Variants in KIF26B observed in about 807,000 individuals in gnomAD.
KIF26B encodes the protein kinesin-like protein KIF26B.
A neutral mutation model predicts 151.2 loss-of-function variants in KIF26B; 63 were observed. That is an observed-to-expected ratio of 0.42 (90% CI 0.34 to 0.51). The LOEUF (loss-of-function observed/expected upper bound fraction) is 0.51. KIF26B is among the 20% of genes least tolerant of loss of function. The pLI is 0.07. For synonymous variants in KIF26B, 1,357 were observed against 1,262.1 expected (o/e 1.08, Z -1.59); for missense variants, 2,813 against 2,913.6 (o/e 0.97, Z 0.79).
intron 2 of KIF26B, among the ~76,000 whole-genome samples, chr1:245,278,533 T>C (rs1365870944): frequency 6.6e-6 from 1 of 152,222 alleles, no homozygotes; most frequent in Non-Finnish European, 1.5e-5. Flanking sequence ...GAATCAGAAA[T>C]TTATTTTTCT....
At chr1:245,467,143 T>C (rs1407876022) in intron 4 of KIF26B, among the ~76,000 whole-genome samples, 1 of 152,170 alleles carries the variant, frequency 6.6e-6, no homozygotes, top group Admixed American at 6.5e-5. Flanking sequence ...ACTTTGGACA[T>C]TTGGAACTGA....
rs187704571 is a variant in KIF26B, at chr1:245,505,823, G to A, written c.1167-34944G>A. 7.3e-3 allele frequency among the ~76,000 whole-genome samples: 836 copies of A among 114,546 alleles called. 8 individuals are homozygous for A. The highest frequency in any genetic ancestry group is 0.014 in the South Asian group (50 of 3,484). 75.1% of individuals were successfully genotyped at this position (114,546 alleles called of 152,430 possible). On this transcript the variant is annotated intron_variant, in intron 4 of 14. Transcript: ENST00000407071. ...TAGATTTGGTGGTGCAGCACATCAA[G>A]GAGCACAAATTTTACAAATTTCTTT... is the stretch of plus-strand genomic sequence containing the variant.
intron 2 of KIF26B, among the ~76,000 whole-genome samples, chr1:245,233,494 A>G (rs755894433): frequency 4.6e-5 from 7 of 152,234 alleles, no homozygotes; most frequent in Non-Finnish European, 7.3e-5. Flanking sequence ...TTCCAGTCCC[A>G]TACCAGATCT....
intron 3 of KIF26B, among the ~76,000 whole-genome samples, chr1:245,395,451 T>A (rs1448921712): frequency 1.3e-5 from 2 of 152,228 alleles, no homozygotes; most frequent in Non-Finnish European, 2.9e-5. Flanking sequence ...GGAACTTTCC[T>A]GTTCGCTGCA....
intron 5 of KIF26B, among the ~76,000 whole-genome samples, chr1:245,568,156 G>A (rs886690786): frequency 2.6e-5 from 3 of 117,566 alleles, no homozygotes; most frequent in African/African-American, 9.8e-5. Flanking sequence ...CTGCACTCCA[G>A]CCTGGGCAAC....
intron 2 of KIF26B, among the ~76,000 whole-genome samples, chr1:245,183,626 C>T (rs1039503383): frequency 6.6e-5 from 10 of 152,138 alleles, no homozygotes; most frequent in Admixed American, 3.9e-4. Context: ...CAAAGACTGA[C>T]GTAAGAATTT....
chr1:245,304,699 C>CCA (rs1553342834), intron 2 of KIF26B, among the ~76,000 whole-genome samples: 8 of 150,656 alleles, frequency 5.3e-5, no homozygotes, highest in Non-Finnish European at 7.4e-5. Context: ...ACGTCCATCC[C>CCA]TCCATCCATC....
chr1:245,629,992 C>T (rs951695328), intron 9 of KIF26B, among the ~76,000 whole-genome samples: 4 of 151,856 alleles, frequency 2.6e-5, no homozygotes, highest in Non-Finnish European at 4.4e-5. Context: ...AGCTCAACAT[C>T]ACTGATCATT....
chr1:245,323,591 G>A (rs1671927297), intron 2 of KIF26B, among the ~76,000 whole-genome samples: 1 of 152,134 alleles, frequency 6.6e-6, no homozygotes, highest in African/African-American at 2.4e-5. Flanking sequence ...TGGATTTCTG[G>A]GGAAGGTTCT....
intron 2 of KIF26B, among the ~76,000 whole-genome samples, chr1:245,168,233 G>A (rs1668647569): frequency 6.6e-6 from 1 of 152,184 alleles, no homozygotes; most frequent in African/African-American, 2.4e-5. Flanking sequence ...TGTTCTGTGG[G>A]CTGCCATGTT....
chr1:245,702,516 T>C lies in KIF26B; in HGVS notation c.6237T>C (p.Cys2079=), dbSNP rs749587173. ...TGGAGTACCTGGAGGCACTGGAGTGTGTGACGGAGCGCCTGGAGAGCCGTG... is the reference window on the plus strand; with the variant it reads ...TGGAGTACCTGGAGGCACTGGAGTGCGTGACGGAGCGCCTGGAGAGCCGTG... ...DSLEYLEALE[C]VTERLESRVN... is the part of the protein sequence containing the mutation. The change falls in exon 15 of 15, where the codon TGT becomes TGC. Residue 2079 remains cysteine (C), a synonymous_variant. Transcript: ENST00000407071. The surrounding 1 kb of genome is among the most constrained non-coding windows in gnomAD (Gnocchi z 4.1). 2.5e-6 allele frequency: 4 copies of C among 1,613,894 alleles called. No homozygotes were observed. Among genetic ancestry groups the C allele is most frequent in the Non-Finnish European group, 3.4e-6 (4 of 1,179,866 alleles).
At chr1:245,631,882 CTA>C (rs1283199225) in intron 9 of KIF26B, among the ~76,000 whole-genome samples, 1 of 152,024 alleles carries the variant, frequency 6.6e-6, no homozygotes, top group Non-Finnish European at 1.5e-5. Context: ...TCATAAGACT[CTA>C]ATCATTTGTA....
rs1200050946 is a variant in KIF26B at position 245,166,485 on chromosome 1, G to A, written c.465+9802G>A. 6.6e-6 allele frequency among the ~76,000 whole-genome samples: 1 copy of A among 152,222 alleles called. No individual in the cohort carries two copies. The highest frequency in any genetic ancestry group is 1.5e-5 in the Non-Finnish European group (1 of 68,040). ...AATAGCGACTCCTTTGGGTTGAGGTGCCATGAATATGGATTGAGAGTTTTT... is the reference window on the plus strand; with the variant it reads ...AATAGCGACTCCTTTGGGTTGAGGTACCATGAATATGGATTGAGAGTTTTT... On this transcript the variant is annotated intron_variant, in intron 2 of 14. Transcript: ENST00000407071. The surrounding 1 kb of genome is among the most constrained non-coding windows in gnomAD (Gnocchi z 4.5).
chr1:245,255,271 G>A (rs1670511276), intron 2 of KIF26B, among the ~76,000 whole-genome samples: 1 of 152,158 alleles, frequency 6.6e-6, no homozygotes, highest in Non-Finnish European at 1.5e-5. Flanking sequence ...CCCAGTCCAA[G>A]GTATTGTGTT....
At chr1:245,341,502 T>A (rs915655394) in intron 2 of KIF26B, among the ~76,000 whole-genome samples, 2 of 151,910 alleles carry the variant, frequency 1.3e-5, no homozygotes, top group Non-Finnish European at 2.9e-5. Flanking sequence ...TAAAAATTTT[T>A]GTAGAGACAA....
Position 245,540,171 on chromosome 1 carries a change from T to C in KIF26B, c.1167-596T>C, listed in dbSNP as rs2103102171. 6.6e-6 allele frequency among the ~76,000 whole-genome samples: 1 copy of C among 152,302 alleles called. No individual in the cohort carries two copies. On this transcript the variant is annotated intron_variant, in intron 4 of 14. Coordinates refer to ENST00000407071, the MANE Select transcript of KIF26B (RefSeq NM_018012.4). This position sits in a 1 kb window ranked among gnomAD's most constrained non-coding sequence, Gnocchi z 4.6. ...CCTGCACAATATCCTCTTATCTACG[T>C]AAGCAGCCCATAGCCTCAGCGCCCT...
intron 3 of KIF26B, among the ~76,000 whole-genome samples, chr1:245,368,347 G>C (rs1440128922): frequency 6.6e-6 from 1 of 152,166 alleles, no homozygotes; most frequent in Non-Finnish European, 1.5e-5. Context: ...ATGAGGACTG[G>C]ATTTTTAATG....
intron 4 of KIF26B, among the ~76,000 whole-genome samples, chr1:245,481,898 T>A (rs1660175285): frequency 6.6e-6 from 1 of 151,708 alleles, no homozygotes; most frequent in African/African-American, 2.4e-5. Flanking sequence ...TACCTTTCAC[T>A]GGTAGCACAG....
At chr1:245,605,582 T>C (rs2043443014) in intron 6 of KIF26B, among the ~76,000 whole-genome samples, 1 of 152,124 alleles carries the variant, frequency 6.6e-6, no homozygotes, top group Admixed American at 6.5e-5. Context: ...TTGGGACACG[T>C]CTCTGCTGGG....
Sources: allele counts gnomAD v4.1 joint callset (sites outside exome capture counted in the v4.1 genomes callset), GRCh38; gene constraint gnomAD v4.1.1; non-coding constraint Gnocchi (gnomAD v3.1); transcripts MANE v1.5; gene names NCBI Gene and HGNC (gene_info 2026-07-23, HGNC 2026-07-21).